Variants in CTNND2 observed in about 807,000 individuals in gnomAD.
The protein encoded by CTNND2 is catenin delta 2.
A neutral mutation model predicts 144.4 loss-of-function variants in CTNND2; 22 were observed. The ratio of observed to expected loss-of-function variants is 0.15; its 90% CI spans 0.11 to 0.22. The LOEUF (loss-of-function observed/expected upper bound fraction) is 0.22. CTNND2 is among the 10% of genes least tolerant of loss of function. The pLI, the probability that CTNND2 is intolerant of heterozygous loss-of-function variation, is 1.00. For synonymous variants in CTNND2, 751 were observed against 695.6 expected (o/e 1.08, Z -1.25); for missense variants, 1,353 against 1,618.8 (o/e 0.84, Z 2.82).
At chr5:11,767,429 C>T (rs961998183) in intron 1 of CTNND2, among the ~76,000 whole-genome samples, 44 of 152,302 alleles carry the variant, frequency 2.9e-4, no homozygotes, top group South Asian at 1.5e-3. Flanking sequence ...TCCAGAAATG[C>T]AGAACTCATG....
Position 11,470,472 on chromosome 5 carries a change from T to A in CTNND2, c.288-58403A>T, listed in dbSNP as rs187639789. ...ATTGAGAAGATAGTACAGAGAGTTT[T>A]GATTGTCCCATACCTAGTTGATCCC... is the stretch of plus-strand genomic sequence containing the variant. On this transcript the variant is annotated intron_variant, in intron 3 of 21. Transcript: ENST00000304623. Among the ~76,000 whole-genome samples the A allele has an allele frequency of 2.8e-3, 421 of 152,296 alleles. 5 individuals carry two copies. The highest frequency in any genetic ancestry group is 9.8e-3 in the African/African-American group (406 of 41,574).
At chr5:11,158,919 G>A (rs2149766239) in intron 12 of CTNND2, among the ~76,000 whole-genome samples, 1 of 152,166 alleles carries the variant, frequency 6.6e-6, no homozygotes, top group South Asian at 2.1e-4. Flanking sequence ...ATCATATCTT[G>A]GTAACTACTT....
At chr5:11,758,098 G>A (rs12515749) in intron 1 of CTNND2, among the ~76,000 whole-genome samples, 133,419 of 151,904 alleles carry the variant, frequency 0.88, 60,704 homozygotes, top group Non-Finnish European at 0.99. Context: ...TAGTTTCAAG[G>A]AAGTTGTTTT....
At chr5:11,879,820 G>A (rs1202771646) in intron 1 of CTNND2, among the ~76,000 whole-genome samples, 1 of 152,134 alleles carries the variant, frequency 6.6e-6, no homozygotes, top group East Asian at 1.9e-4. Context: ...CTGTTCTCCA[G>A]TATTTCATTT....
At chr5:11,109,853 C>A (rs1021554567) in intron 14 of CTNND2, among the ~76,000 whole-genome samples, 1 of 152,180 alleles carries the variant, frequency 6.6e-6, no homozygotes, top group African/African-American at 2.4e-5. Flanking sequence ...TCAAGAAACA[C>A]ATATATTTTG....
intron 10 of CTNND2, among the ~76,000 whole-genome samples, chr5:11,217,330 T>C (rs1311851752): frequency 2.0e-5 from 3 of 152,240 alleles, no homozygotes; most frequent in Admixed American, 6.5e-5. Context: ...TTTTGCTTTT[T>C]GTCCTGTTAA....
chr5:11,541,713 C>A (rs1191439612), intron 3 of CTNND2, among the ~76,000 whole-genome samples: 1 of 152,018 alleles, frequency 6.6e-6, no homozygotes, highest in Admixed American at 6.5e-5. Context: ...TTTATTTGCC[C>A]ACAATAAGCC....
At chr5:11,472,256 G>A (rs953424121) in intron 3 of CTNND2, among the ~76,000 whole-genome samples, 3 of 152,076 alleles carry the variant, frequency 2.0e-5, no homozygotes, top group South Asian at 2.1e-4. Flanking sequence ...AGATAACCAC[G>A]AATATCTTTC....
chr5:11,132,706 A>T (rs775020657), intron 12 of CTNND2, among the ~76,000 whole-genome samples: 1 of 152,174 alleles, frequency 6.6e-6, no homozygotes, highest in Non-Finnish European at 1.5e-5. Context: ...CTGGAAACCA[A>T]CTCCTTAATT....
At chr5:11,534,339 G>A (rs942528054) in intron 3 of CTNND2, among the ~76,000 whole-genome samples, 1 of 151,692 alleles carries the variant, frequency 6.6e-6, no homozygotes, top group African/African-American at 2.4e-5. Flanking sequence ...GGTGCGCCAG[G>A]TGACAGTGGC....
chr5:11,070,104 C>T (rs954477173), intron 16 of CTNND2, among the ~76,000 whole-genome samples: 2 of 151,568 alleles, frequency 1.3e-5, no homozygotes, highest in Middle Eastern at 3.2e-3. Context: ...ACAATATGAC[C>T]GAAAATTAAG....
intron 2 of CTNND2, among the ~76,000 whole-genome samples, chr5:11,569,612 T>C (rs569171576): frequency 2.0e-4 from 31 of 152,220 alleles, no homozygotes; most frequent in African/African-American, 7.2e-4. Flanking sequence ...CTCATCGCCA[T>C]AGTTTCATTA....
intron 10 of CTNND2, 96 bp downstream of exon 10, chr5:11,236,595 C>G: frequency 7.5e-7 from 1 of 1,332,026 alleles, no homozygotes. Flanking sequence ...AAAAGCATAA[C>G]TTCAGTTCTC....
chr5:11,410,658 T>C (rs564719276), intron 5 of CTNND2, among the ~76,000 whole-genome samples: 3 of 152,254 alleles, frequency 2.0e-5, no homozygotes, highest in Non-Finnish European at 4.4e-5. Flanking sequence ...CGTCATTAAA[T>C]GGAGAGAAAG....
chr5:11,605,193 G>A (rs1211323066), intron 2 of CTNND2, among the ~76,000 whole-genome samples: 1 of 152,134 alleles, frequency 6.6e-6, no homozygotes, highest in Non-Finnish European at 1.5e-5. Context: ...GTGCCAAGAG[G>A]GACTCTGAGA....
intron 9 of CTNND2, among the ~76,000 whole-genome samples, chr5:11,269,490 A>G (rs931576472): frequency 6.6e-6 from 1 of 152,218 alleles, no homozygotes; most frequent in African/African-American, 2.4e-5. Context: ...TCTAGATTTC[A>G]GGCTACATTT....
chr5:11,443,191 GTGTGTGTGTGGTGTGTA>G (rs1249332151), intron 3 of CTNND2, among the ~76,000 whole-genome samples: 9 of 149,436 alleles, frequency 6.0e-5, no homozygotes, highest in Non-Finnish European at 7.4e-5. Context: ...TGTGTGGTGT[GTGTGTGTGTGGTGTGTA>G]TGTGTGTGTG....
chr5:11,001,902 C>T (rs1740002903), intron 18 of CTNND2, among the ~76,000 whole-genome samples: 4 of 152,130 alleles, frequency 2.6e-5, no homozygotes, highest in Admixed American at 2.6e-4. Context: ...AATTTTGAAG[C>T]ATCATTATCT....
intron 2 of CTNND2, among the ~76,000 whole-genome samples, chr5:11,595,725 A>G (rs1346544206): frequency 6.6e-6 from 1 of 152,242 alleles, no homozygotes; most frequent in Non-Finnish European, 1.5e-5. Context: ...TCAATCCATG[A>G]AATTCACATG....
Sources: allele counts gnomAD v4.1 joint callset (sites outside exome capture counted in the v4.1 genomes callset), GRCh38; gene constraint gnomAD v4.1.1; transcripts MANE v1.5; gene names NCBI Gene and HGNC (gene_info 2026-07-23, HGNC 2026-07-21).